Variants in TNS1 observed in about 807,000 individuals in gnomAD.
TNS1 encodes the protein tensin-1.
TNS1 carries 62 observed loss-of-function variants against 168.6 expected under a neutral mutation model. The ratio of observed to expected loss-of-function variants is 0.37; its 90% CI spans 0.30 to 0.45. The LOEUF is 0.45. Among genes scored for constraint, TNS1 ranks in the 20% least tolerant of loss-of-function variants. The pLI is 1.00. For synonymous variants in TNS1, 934 were observed against 933.2 expected (o/e 1.00, Z -0.02); for missense variants, 2,240 against 2,339.4 (o/e 0.96, Z 0.88).
intron 3 of TNS1, 41 bp downstream of exon 3, chr2:217,978,724 G>A (rs1957957560): frequency 2.9e-6 from 2 of 701,334 alleles, no homozygotes; most frequent in Non-Finnish European, 5.2e-6. Flanking sequence ...AGCCAGGCCT[G>A]TCCCAAGTCC....
chr2:217,833,622 C>T (rs557004156), intron 21 of TNS1, among the ~76,000 whole-genome samples: 1 of 152,346 alleles, frequency 6.6e-6, no homozygotes, highest in East Asian at 1.9e-4. Context: ...AGAGGTTCCC[C>T]GCAGTCACAA....
intron 3 of TNS1, among the ~76,000 whole-genome samples, chr2:217,976,002 G>A (rs774758079): frequency 7.9e-5 from 12 of 152,062 alleles, no homozygotes; most frequent in Non-Finnish European, 1.2e-4. Flanking sequence ...TCTTTCAAGC[G>A]TAACAAGTTC....
intron 18 of TNS1, among the ~76,000 whole-genome samples, chr2:217,856,287 TGAGGGTACA>T (rs1017638287): frequency 1.5e-4 from 23 of 152,220 alleles, no homozygotes; most frequent in African/African-American, 5.1e-4. Flanking sequence ...GAGGAAGGCA[TGAGGGTACA>T]GAGGGCCCCG....
At chr2:217,929,744 T>A (rs1956222833) in intron 3 of TNS1, among the ~76,000 whole-genome samples, 1 of 135,304 alleles carries the variant, frequency 7.4e-6, no homozygotes, top group South Asian at 2.5e-4. Flanking sequence ...CAGAGGCCCA[T>A]GTGTCTGTCT....
chr2:217,841,224 G>A lies in TNS1; in HGVS notation c.3008-5013C>T, dbSNP rs1203897977. On this transcript the variant is annotated intron_variant, in intron 19 of 32. Coordinates refer to ENST00000682258, the MANE Select transcript of TNS1 (RefSeq NM_001387777.1). ...CAGAGAGGGAGGAAGATTGGAGCCGGTGGAGAGGAGGGGGCGGGAAGCTGC... is the reference window on the plus strand; with the variant it reads ...CAGAGAGGGAGGAAGATTGGAGCCGATGGAGAGGAGGGGGCGGGAAGCTGC... The A allele has an allele frequency of 1.5e-5, 15 of 985,038 alleles. No homozygotes were observed. The South Asian group carries it at 5.6e-4, about 37-fold the overall frequency. 61.0% of individuals were successfully genotyped at this position (985,038 alleles called of 1,614,324 possible).
rs766880323 is a variant in TNS1 at position 217,848,986 on chromosome 2, G to C, written c.1531C>G (p.Arg511Gly). 1.9e-6 allele frequency: 3 copies of C among 1,614,082 alleles called. No homozygotes were observed. In the South Asian group the frequency reaches 3.3e-5, roughly 18 times the overall value. The stretch of plus-strand genomic sequence containing the variant: ...TTGGGGGTGGCCGACAGTGTAGGAC[G>C]TGTGGCATTAACAGCCCCGGTGCTG... ...HGSTGAVNAT[R>G]PTLSATPNHV... The change falls in exon 19 of 33, where the codon CGT (arginine) becomes GGT (glycine). Residue 511 changes from arginine (R) to glycine (G), a missense_variant. By Grantham distance (125) the Arg-to-Gly change is moderately radical. Around this residue, in one of 2 missense-constraint regions of TNS1, gnomAD observed 2,131 missense variants for 2,171.2 expected, o/e 0.98. Coordinates refer to ENST00000682258, the MANE Select transcript of TNS1 (RefSeq NM_001387777.1).
intron 18 of TNS1, among the ~76,000 whole-genome samples, chr2:217,860,019 C>T (rs1476284067): frequency 6.6e-6 from 1 of 152,228 alleles, no homozygotes; most frequent in Non-Finnish European, 1.5e-5. Context: ...CGACTGGTGT[C>T]TCCATGCAGA....
intron 19 of TNS1, among the ~76,000 whole-genome samples, chr2:217,840,171 T>G (rs1122987): frequency 0.14 from 20,701 of 152,210 alleles, 1,897 homozygotes; most frequent in East Asian, 0.43. Flanking sequence ...AGTTCCCATT[T>G]CCCCTAGGCC....
rs1481141873 is a variant in TNS1, at chr2:217,817,733, G to A, written c.4599C>T (p.Ser1533=). Residue 1533 remains serine, a synonymous_variant, in exon 24 of 33, where the codon TCC becomes TCT. Coordinates refer to ENST00000682258, the MANE Select transcript of TNS1 (RefSeq NM_001387777.1). ...MSSPSGGSTV[S]FSHTLPDFSK... The stretch of plus-strand genomic sequence containing the variant: ...AGAAGTCGGGCAGAGTGTGGGAGAA[G>A]GAGACGGTGCTGCCCCCACTGGGAC... 1.2e-6 allele frequency: 2 copies of A among 1,608,668 alleles called. No homozygotes were observed. The highest frequency in any genetic ancestry group is 3.3e-5 in the Admixed American group (2 of 59,924).
intron 18 of TNS1, among the ~76,000 whole-genome samples, chr2:217,862,625 A>G (rs1948884996): frequency 6.6e-6 from 1 of 152,124 alleles, no homozygotes; most frequent in Non-Finnish European, 1.5e-5. Flanking sequence ...TTGTGAGTTC[A>G]TTGGGCCCAA....
chr2:217,980,759 G>A (rs1178455171), intron 2 of TNS1, among the ~76,000 whole-genome samples: 1 of 152,040 alleles, frequency 6.6e-6, no homozygotes, highest in South Asian at 2.1e-4. Flanking sequence ...ACACAATGGG[G>A]GCCGGGACTC....
chr2:217,845,176 C>T (rs1196668472), intron 19 of TNS1, among the ~76,000 whole-genome samples: 2 of 152,148 alleles, frequency 1.3e-5, no homozygotes, highest in African/African-American at 4.8e-5. Flanking sequence ...GGAGGACAGC[C>T]AATGGGGAAA....
chr2:217,838,285 A>G (rs1382683352), intron 19 of TNS1, among the ~76,000 whole-genome samples: 1 of 152,250 alleles, frequency 6.6e-6, no homozygotes, highest in Non-Finnish European at 1.5e-5. Flanking sequence ...CTGGACAAAC[A>G]AAGAACATTC....
At position 217,817,722 on chromosome 2, in the gene TNS1, G is replaced by C. The variant is rs762398925; in HGVS notation, c.4610C>G (p.Thr1537Ser). 1 of 1,606,352 alleles carries C rather than the reference G, an allele frequency of 6.2e-7. No homozygotes were observed. The highest frequency in any genetic ancestry group is 8.5e-7 in the Non-Finnish European group (1 of 1,174,156). ...SGGSTVSFSHTLPDFSKYSMP... is the reference protein window; with the variant it reads ...SGGSTVSFSHSLPDFSKYSMP... ...GGAGTACTTGGAGAAGTCGGGCAGA[G>C]TGTGGGAGAAGGAGACGGTGCTGCC... The change falls in exon 24 of 33, where the codon ACT (threonine) becomes AGT (serine). Residue 1537 changes from threonine to serine, a missense_variant. Physicochemically the swap from Thr to Ser is moderately conservative, Grantham distance 58 (BLOSUM62 1). Coordinates refer to ENST00000682258, the MANE Select transcript of TNS1 (RefSeq NM_001387777.1).
chr2:217,965,127 G>A (rs1957592084), intron 3 of TNS1, among the ~76,000 whole-genome samples: 1 of 152,240 alleles, frequency 6.6e-6, no homozygotes, highest in Non-Finnish European at 1.5e-5. Context: ...CAGTGGAGCT[G>A]CCCTGGCCTG....
At chr2:217,967,183 T>C (rs1957667027) in intron 3 of TNS1, among the ~76,000 whole-genome samples, 1 of 152,014 alleles carries the variant, frequency 6.6e-6, no homozygotes, top group African/African-American at 2.4e-5. Context: ...TAGCCAGGCT[T>C]GGTGGCAGGC....
At position 217,821,777 on chromosome 2, in the gene TNS1, G is replaced by A; in HGVS notation, c.3535C>T (p.Pro1179Ser). The A allele has an allele frequency of 2.0e-6, 3 of 1,521,408 alleles. No individual in the cohort carries two copies. Among genetic ancestry groups the A allele is most frequent in the Non-Finnish European group, 2.6e-6 (3 of 1,137,036 alleles). 94.2% of individuals were successfully genotyped at this position (1,521,408 alleles called of 1,614,324 possible). The change falls in exon 23 of 33, where the codon CCC becomes TCC. Residue 1179 changes from proline to serine, a missense_variant. Pro to Ser is a moderately conservative substitution (Grantham distance 74). Coordinates refer to ENST00000682258, the MANE Select transcript of TNS1 (RefSeq NM_001387777.1). ...TLGGSFVSPS[P>S]LSTSSPILSA... ...AGGATGGGGCTGCTGGTGGAGAGGGGGCTGGGGGAGACAAAGGAGCCACCC... is the reference window on the plus strand; with the variant it reads ...AGGATGGGGCTGCTGGTGGAGAGGGAGCTGGGGGAGACAAAGGAGCCACCC...
intron 5 of TNS1, 27 bp from the exon 6 acceptor site, chr2:217,906,412 G>C (rs1953710861): frequency 1.4e-6 from 1 of 702,908 alleles, no homozygotes; most frequent in Non-Finnish European, 2.6e-6. Flanking sequence ...GGCAGTCAGA[G>C]AGGGGAGGCA....
At chr2:217,891,275 A>C (rs1220336104) in intron 11 of TNS1, among the ~76,000 whole-genome samples, 1 of 152,164 alleles carries the variant, frequency 6.6e-6, no homozygotes, top group Non-Finnish European at 1.5e-5. Context: ...CAGGCTTTAA[A>C]GTTCAGCAGC....
Sources: allele counts gnomAD v4.1 joint callset (sites outside exome capture counted in the v4.1 genomes callset), GRCh38; gene constraint gnomAD v4.1.1; regional missense constraint gnomAD v4.1.1; transcripts MANE v1.5; gene names NCBI Gene and HGNC (gene_info 2026-07-23, HGNC 2026-07-21).